The following CMIP variants were observed in gnomAD, a reference collection of about 807,000 sequenced individuals.
CMIP encodes C-Maf-inducing protein.
In CMIP, 13 loss-of-function variants were observed where a neutral mutation model predicts 97.3. That is an observed-to-expected ratio of 0.13 (90% confidence interval 0.09 to 0.21). The LOEUF (loss-of-function observed/expected upper bound fraction) is 0.21. CMIP is among the 10% of genes least tolerant of loss of function. CMIP has a pLI of 1.00. For synonymous variants in CMIP, 538 were observed against 436.3 expected, an observed-to-expected ratio of 1.23 and a Z score of -2.91; for missense variants, 847 against 1,024.9, an observed-to-expected ratio of 0.83 and a Z score of 2.37.
chr16:81,694,161 G>A (rs1025169503), intron 13 of CMIP, among the ~76,000 whole-genome samples: 1 of 152,154 alleles, frequency 6.6e-6, no homozygotes, highest in Non-Finnish European at 1.5e-5. Context: ...TCCCAGTGTT[G>A]CGCGGCTGGT....
intron 3 of CMIP, among the ~76,000 whole-genome samples, chr16:81,626,539 A>G (rs2092068103): frequency 1.7e-5 from 2 of 115,808 alleles, no homozygotes; most frequent in East Asian, 2.9e-4. Flanking sequence ...TGGGGTGACT[A>G]TGGGTGTGCA....
chr16:81,482,182 C>T (rs1327512588), intron 1 of CMIP, among the ~76,000 whole-genome samples: 1 of 152,024 alleles, frequency 6.6e-6, no homozygotes, highest in Non-Finnish European at 1.5e-5. Context: ...CCTGTCCCTG[C>T]CGCCTCTTAT....
chr16:81,605,354 C>T (rs1430761007), intron 1 of CMIP, among the ~76,000 whole-genome samples: 2 of 152,216 alleles, frequency 1.3e-5, no homozygotes, highest in East Asian at 1.9e-4. Context: ...AGGATGAACG[C>T]AGCTGCCTCC....
At chr16:81,448,366 C>T (rs536733852) in intron 1 of CMIP, among the ~76,000 whole-genome samples, 15 of 152,352 alleles carry the variant, frequency 9.8e-5, no homozygotes, top group Admixed American at 3.9e-4. Flanking sequence ...TCCAATTAAC[C>T]GAATCTGAGA....
At chr16:81,645,918 A>G in intron 3 of CMIP, 1 of 448,960 alleles carries the variant, frequency 2.2e-6, no homozygotes, top group Non-Finnish European at 4.1e-6. Flanking sequence ...AAACTGGTGC[A>G]AGTAATAGAC....
rs141817969 is a variant in CMIP, at chr16:81,467,022, C to T, written c.300+21481C>T. Reference sequence around the variant, plus strand: ...ATACAGGAAAATAAACAGAAACCCCCAAACTGCCCTTTGAAGCTGTCCATC... The same window carrying T: ...ATACAGGAAAATAAACAGAAACCCCTAAACTGCCCTTTGAAGCTGTCCATC... On this transcript the variant is annotated intron_variant, in intron 1 of 20. Coordinates refer to ENST00000537098, the MANE Select transcript of CMIP (RefSeq NM_198390.3). 7.7e-3 allele frequency among the ~76,000 whole-genome samples: 1,168 copies of T among 152,320 alleles called. 15 individuals are homozygous for T. Among genetic ancestry groups the T allele is most frequent in the African/African-American group, 0.027 (1,114 of 41,564 alleles).
At chr16:81,661,091 G>A in intron 6 of CMIP, 145 bp downstream of exon 6, 3 of 935,270 alleles carry the variant, frequency 3.2e-6, no homozygotes, top group South Asian at 2.8e-5. Context: ...GAGAGGGCAT[G>A]CCCGGCACCC....
chr16:81,642,257 C>T (rs1178958835), intron 3 of CMIP, among the ~76,000 whole-genome samples: 2 of 152,174 alleles, frequency 1.3e-5, no homozygotes, highest in Non-Finnish European at 2.9e-5. Flanking sequence ...ACCCTTCAGC[C>T]AGACTGGGAG....
At chr16:81,446,457 G>A (rs560740218) in intron 1 of CMIP, among the ~76,000 whole-genome samples, 1 of 152,030 alleles carries the variant, frequency 6.6e-6, no homozygotes, top group Non-Finnish European at 1.5e-5. Context: ...GCGGGTAGGA[G>A]CCTGAACAGG....
At position 81,490,341 on chromosome 16, in the gene CMIP, C is replaced by T. The variant is rs540021880; in HGVS notation, c.300+44800C>T. On this transcript the variant is annotated intron_variant, in intron 1 of 20. Transcript: ENST00000537098. ...CAGCATACAAATGCTTAGCATGGAT[C>T]GGGCGTGGTGGCTCATGCCTGTAAT... Among the ~76,000 whole-genome samples the T allele has an allele frequency of 1.2e-4, 18 of 152,286 alleles. No homozygotes were observed. The South Asian group carries it at 2.1e-3, about 18-fold the overall frequency.
intron 3 of CMIP, among the ~76,000 whole-genome samples, chr16:81,647,244 C>T (rs547002051): frequency 6.6e-6 from 1 of 152,316 alleles, no homozygotes; most frequent in South Asian, 2.1e-4. Flanking sequence ...TACTCCTAGG[C>T]TGGAATTTGA....
chr16:81,582,696 C>A (rs2091315879), intron 1 of CMIP, among the ~76,000 whole-genome samples: 1 of 152,180 alleles, frequency 6.6e-6, no homozygotes, highest in African/African-American at 2.4e-5. Flanking sequence ...AGCAGGGCCT[C>A]GCTCCCATGC....
rs1001057464 is a variant in CMIP at position 81,710,751 on chromosome 16, C to G, written c.*952C>G. The G allele has an allele frequency of 3.9e-5, 6 of 152,080 alleles. No individual in the cohort carries two copies. Among genetic ancestry groups the G allele is most frequent in the Non-Finnish European group, 7.4e-5 (5 of 68,026 alleles). 9.4% of individuals were successfully genotyped at this position (152,080 alleles called of 1,614,324 possible). ...CCCTTGCTCCACTAAGGCCCAAGCT[C>G]TTTCTCTCGGCACCTTTTAGACTTG... On this transcript the variant is annotated 3_prime_UTR_variant, in exon 21 of 21. Transcript: ENST00000537098.
intron 1 of CMIP, among the ~76,000 whole-genome samples, chr16:81,468,100 G>A (rs924982866): frequency 2.0e-5 from 3 of 152,040 alleles, no homozygotes; most frequent in Non-Finnish European, 4.4e-5. Flanking sequence ...TCTAGTCCAG[G>A]TGAACAAGTC....
At chr16:81,587,282 T>C (rs2091398185) in intron 1 of CMIP, among the ~76,000 whole-genome samples, 1 of 152,254 alleles carries the variant, frequency 6.6e-6, no homozygotes, top group Non-Finnish European at 1.5e-5. Flanking sequence ...TCCTGGGCTG[T>C]ACCAGCGATT....
chr16:81,472,923 C>A (rs867549305), intron 1 of CMIP, among the ~76,000 whole-genome samples: 98 of 152,288 alleles, frequency 6.4e-4, no homozygotes, highest in African/African-American at 2.3e-3. Flanking sequence ...CGCAGCTGCC[C>A]AGTGAGTGTG....
At chr16:81,672,512 A>C (rs1159438048) in intron 9 of CMIP, among the ~76,000 whole-genome samples, 1 of 152,182 alleles carries the variant, frequency 6.6e-6, no homozygotes, top group Non-Finnish European at 1.5e-5. Context: ...GTTGACAGTA[A>C]GGTTTATCCT....
intron 1 of CMIP, among the ~76,000 whole-genome samples, chr16:81,548,650 C>T (rs1266694601): frequency 6.7e-6 from 1 of 148,402 alleles, no homozygotes; most frequent in Non-Finnish European, 1.5e-5. Flanking sequence ...AGACCAGCCT[C>T]AGCAACATAG....
In CMIP at chr16:81,652,639, C is replaced by G. The variant is rs955076682; in HGVS notation, c.639+275C>G. Among the ~76,000 whole-genome samples, 6 of 152,202 alleles carry G rather than the reference C, an allele frequency of 3.9e-5. No homozygotes were observed. The highest frequency in any genetic ancestry group is 2.1e-4 in the South Asian group (1 of 4,834). Reference sequence around the variant, plus strand: ...AGAGCCAGTAGTCCCATCCCCATCTCTGTCTTCCCCTAGCAGTGGCCCACA... The same window carrying G: ...AGAGCCAGTAGTCCCATCCCCATCTGTGTCTTCCCCTAGCAGTGGCCCACA... On this transcript the variant is annotated intron_variant, in intron 4 of 20. Transcript: ENST00000537098. The surrounding 1 kb of genome is among the most constrained non-coding windows in gnomAD (Gnocchi z 5.2).
Sources: gnomAD v4.1 joint callset for allele counts (sites outside exome capture counted in the v4.1 genomes callset) on GRCh38, gnomAD v4.1.1 for gene constraint, Gnocchi (gnomAD v3.1) non-coding constraint, MANE v1.5 for transcripts, NCBI Gene and HGNC (gene_info 2026-07-23, HGNC 2026-07-21) for gene names.